The following FMNL3 variants were observed in gnomAD, a reference collection of about 807,000 sequenced individuals.
The protein encoded by FMNL3 is formin like 3, also known as formin-like protein 3.
Under a neutral mutation model 119.6 loss-of-function variants are expected in FMNL3, and 57 were observed. The ratio of observed to expected loss-of-function variants is 0.48; its 90% CI spans 0.39 to 0.59. The LOEUF (loss-of-function observed/expected upper bound fraction) is 0.59, where lower values mean the gene tolerates loss of function less well. FMNL3 is among the 20% of genes least tolerant of loss of function. The pLI is 0.00. For synonymous variants in FMNL3, 491 were observed against 507.3 expected (o/e 0.97, Z 0.43); for missense variants, 1,053 against 1,323.5 (o/e 0.80, Z 3.17).
At chr12:49,650,018 G>C in intron 17 of FMNL3, 93 bp from the exon 18 acceptor site, 3 of 1,144,340 alleles carry the variant, frequency 2.6e-6, no homozygotes, top group Non-Finnish European at 2.5e-6. Context: ...GAACTGGACA[G>C]GGGACTGTAC....
intron 1 of FMNL3, among the ~76,000 whole-genome samples, chr12:49,688,034 T>C (rs146849282): frequency 1.4e-4 from 22 of 152,362 alleles, no homozygotes; most frequent in Non-Finnish European, 2.9e-4. Flanking sequence ...CCCTCTTCAC[T>C]GAATCCACTC....
Position 49,646,950 on chromosome 12 carries a change from G to T in FMNL3, c.2931C>A (p.Arg977=), listed in dbSNP as rs1425211991. ...AAACAGGCCGGTGTTCCTTGGCCTG[G>T]CGCCGCCTCAACTCTGCTATTAACT... The part of the protein sequence containing the change: ...QQELIAELRR[R]QAKEHRPVYE... Residue 977 remains arginine (R), a synonymous_variant, in exon 25 of 26, where the codon CGC becomes CGA. Coordinates refer to ENST00000335154, the MANE Select transcript of FMNL3 (RefSeq NM_175736.5). 3 of 1,613,994 alleles carry T rather than the reference G, an allele frequency of 1.9e-6. No homozygotes were observed. In the Admixed American group the frequency reaches 5.0e-5, roughly 27 times the overall value.
In FMNL3 at chr12:49,642,301, A is replaced by G. The variant is rs774702541; in HGVS notation, c.*3514T>C. On this transcript the variant is annotated 3_prime_UTR_variant, in exon 26 of 26. Coordinates refer to ENST00000335154, the MANE Select transcript of FMNL3 (RefSeq NM_175736.5). This position sits in a 1 kb window ranked among gnomAD's most constrained non-coding sequence, Gnocchi z 5.8. ...GGAGGAGGCACGCAGGATGCGGCGC[A>G]GGGAAGCTGCCTTTCGAAGCATGCT... The G allele has an allele frequency of 6.2e-7, 1 of 1,614,192 alleles. No homozygotes were observed. The highest frequency in any genetic ancestry group is 8.5e-7 in the Non-Finnish European group (1 of 1,180,028).
chr12:49,665,550 G>C (rs1036835762), intron 4 of FMNL3, among the ~76,000 whole-genome samples: 1 of 152,182 alleles, frequency 6.6e-6, no homozygotes, highest in African/African-American at 2.4e-5. Context: ...AGTCTCAACT[G>C]CTGTGGGAAT....
At position 49,643,812 on chromosome 12, in the gene FMNL3, TC is replaced by T. The variant is rs1367079332; in HGVS notation, c.*2002del. On this transcript the variant is annotated 3_prime_UTR_variant, in exon 26 of 26. Coordinates refer to ENST00000335154, the MANE Select transcript of FMNL3 (RefSeq NM_175736.5). ...TTTTGTGAGTTCTGTTCTACCTGCC[TC>T]CCAGGCTATCCACAGGAACTGAGGA... is the stretch of plus-strand genomic sequence containing the variant. 2 of 1,613,846 alleles carry T rather than the reference TC, an allele frequency of 1.2e-6. No homozygotes were observed. Among genetic ancestry groups the T allele is most frequent in the South Asian group, 2.2e-5 (2 of 91,064 alleles).
rs763205814 is a variant in FMNL3 at position 49,650,892 on chromosome 12, G to A, written c.1798-14C>T. 2 of 1,613,962 alleles carry A rather than the reference G, an allele frequency of 1.2e-6. No individual in the cohort carries two copies. Among genetic ancestry groups the A allele is most frequent in the South Asian group, 2.2e-5 (2 of 91,058 alleles). ...AAGATCCAGGTCCTGGCAGGAATAG[G>A]TGAGCAAGGAAAACGCTGTAGCCTC... On this transcript the variant is annotated splice_polypyrimidine_tract_variant and intron_variant, in intron 16 of 25. Coordinates refer to ENST00000335154, the MANE Select transcript of FMNL3 (RefSeq NM_175736.5).
At chr12:49,691,806 G>A (rs1944609885) in intron 1 of FMNL3, among the ~76,000 whole-genome samples, 1 of 152,064 alleles carries the variant, frequency 6.6e-6, no homozygotes, top group Non-Finnish European at 1.5e-5. Flanking sequence ...GGCCAAGACG[G>A]GTGGATCATT....
At chr12:49,650,113 G>C (rs1943349200) in intron 17 of FMNL3, among the ~76,000 whole-genome samples, 188 bp from the exon 18 acceptor site, 2 of 152,120 alleles carry the variant, frequency 1.3e-5, no homozygotes, top group Non-Finnish European at 2.9e-5. Context: ...CCATGCTCCT[G>C]TTTAATAAGC....
At chr12:49,696,314 T>C (rs1047756421) in intron 1 of FMNL3, among the ~76,000 whole-genome samples, 2 of 152,086 alleles carry the variant, frequency 1.3e-5, no homozygotes, top group African/African-American at 4.8e-5. Context: ...AGCCTGGTCC[T>C]GGAACCAAAA....
intron 1 of FMNL3, among the ~76,000 whole-genome samples, chr12:49,696,895 G>C (rs1944765295): frequency 1.3e-5 from 2 of 152,218 alleles, no homozygotes; most frequent in Admixed American, 1.3e-4. Context: ...GTATCAAGGA[G>C]TTCCTGCAGT....
Position 49,637,649 on chromosome 12 carries a change from C to G in FMNL3, c.*8166G>C, listed in dbSNP as rs1942023553. ...TGCCCTGCCAGCCTCTCTGCACCCC[C>G]TACTACCGGCTCCTGTCCTCGGCCC... On this transcript the variant is annotated 3_prime_UTR_variant, in exon 26 of 26. Transcript: ENST00000335154. The G allele has an allele frequency of 6.4e-7, 1 of 1,565,382 alleles. No homozygotes were observed. Among genetic ancestry groups the G allele is most frequent in the Non-Finnish European group, 8.8e-7 (1 of 1,139,810 alleles).
At chr12:49,676,747 T>C (rs1944201852) in intron 1 of FMNL3, among the ~76,000 whole-genome samples, 2 of 152,130 alleles carry the variant, frequency 1.3e-5, no homozygotes, top group South Asian at 4.1e-4. Flanking sequence ...CCACTGTCCT[T>C]ACTATTTCTG....
At chr12:49,694,265 T>C (rs148433885) in intron 1 of FMNL3, among the ~76,000 whole-genome samples, 3,049 of 152,218 alleles carry the variant, frequency 0.02, 37 homozygotes, top group African/African-American at 0.039. Context: ...ACAGTGGGTA[T>C]GGAGAAAGGA....
rs748305720 is a variant in FMNL3 at position 49,666,203 on chromosome 12, C to T, written c.215G>A (p.Arg72Gln). 3.7e-6 allele frequency: 6 copies of T among 1,613,548 alleles called. No individual in the cohort carries two copies. Among genetic ancestry groups the T allele is most frequent in the South Asian group, 2.2e-5 (2 of 91,006 alleles). Residue 72 changes from arginine to glutamine, a missense_variant, in exon 3 of 26, where the codon CGA (arginine) becomes CAA (glutamine). Arg to Gln is a conservative substitution (Grantham distance 43, BLOSUM62 1). This residue lies in a region of FMNL3 where 264 missense variants were observed against 265.5 expected (regional missense o/e 0.99). Coordinates refer to ENST00000335154, the MANE Select transcript of FMNL3 (RefSeq NM_175736.5). ...GTGGGGAGGATTCTTCACCTGGAAT[C>T]GTTCCTGTAAGGGAAACATGCATAT... ...KKWDLICDQE[R>Q]FQVKNPPHTY...
chr12:49,695,817 C>CA (rs1302156414), intron 1 of FMNL3, among the ~76,000 whole-genome samples: 2 of 139,114 alleles, frequency 1.4e-5, no homozygotes, highest in East Asian at 2.0e-4. Context: ...AGGTACAGGT[C>CA]ATTTTTTTTT....
chr12:49,693,262 A>G (rs904316580), intron 1 of FMNL3, among the ~76,000 whole-genome samples: 3 of 152,228 alleles, frequency 2.0e-5, no homozygotes, highest in Non-Finnish European at 4.4e-5. Flanking sequence ...GGTTGGCTGC[A>G]ATACAAGCAA....
chr12:49,679,769 C>T (rs888127600), intron 1 of FMNL3, among the ~76,000 whole-genome samples: 1 of 152,170 alleles, frequency 6.6e-6, no homozygotes, highest in Non-Finnish European at 1.5e-5. Flanking sequence ...AATCCACCCA[C>T]TTTGACTTCC....
At chr12:49,661,202 G>A (rs889849807) in intron 5 of FMNL3, among the ~76,000 whole-genome samples, 5 of 152,320 alleles carry the variant, frequency 3.3e-5, no homozygotes, top group African/African-American at 1.2e-4. Flanking sequence ...CAATAGATCT[G>A]CTACCACAAT....
At position 49,649,664 on chromosome 12, in the gene FMNL3, G is replaced by C. The variant is rs751697155; in HGVS notation, c.2235+27C>G. The C allele has an allele frequency of 1.9e-6, 3 of 1,613,278 alleles. No homozygotes were observed. The Admixed American group carries it at 5.0e-5, about 27-fold the overall frequency. ...TGGAGGGTGGAGGGACAGCTGTCCA[G>C]AGCCATGAGTTGGGTGGGGGCTGTA... On this transcript the variant is annotated intron_variant, in intron 18 of 25. Coordinates refer to ENST00000335154, the MANE Select transcript of FMNL3 (RefSeq NM_175736.5). This position sits in a 1 kb window ranked among gnomAD's most constrained non-coding sequence, Gnocchi z 5.6.
Sources: gnomAD v4.1 joint callset for allele counts (sites outside exome capture counted in the v4.1 genomes callset) on GRCh38, gnomAD v4.1.1 for gene constraint, gnomAD v4.1.1 regional missense constraint, Gnocchi (gnomAD v3.1) non-coding constraint, MANE v1.5 for transcripts, NCBI Gene and HGNC (gene_info 2026-07-23, HGNC 2026-07-21) for gene names.